The following LRRIQ3 variants were observed in gnomAD, a reference collection of about 807,000 sequenced individuals.
LRRIQ3 encodes leucine rich repeats and IQ motif containing 3.
Under a neutral mutation model 59.3 loss-of-function variants are expected in LRRIQ3, and 75 were observed. That is an observed-to-expected ratio of 1.26 (90% CI 1.05 to 1.53). The LOEUF (loss-of-function observed/expected upper bound fraction) is 1.53. Ranked by LOEUF, LRRIQ3 falls within the 40% of genes most tolerant of loss-of-function variation. LRRIQ3 has a pLI of 0.00. For missense variants in LRRIQ3, 831 were observed against 710.0 expected, an observed-to-expected ratio of 1.17 and a Z score of -1.94; for synonymous variants, 250 against 231.3, an observed-to-expected ratio of 1.08 and a Z score of -0.73.
At chr1:74,074,246 A>T (rs1197314655) in intron 6 of LRRIQ3, among the ~76,000 whole-genome samples, 2 of 152,146 alleles carry the variant, frequency 1.3e-5, no homozygotes, top group Non-Finnish European at 2.9e-5. Flanking sequence ...GTTGAATAAG[A>T]TATGATTTTT....
intron 4 of LRRIQ3, among the ~76,000 whole-genome samples, chr1:74,132,998 G>C (rs1180904788): frequency 2.6e-5 from 4 of 151,928 alleles, no homozygotes; most frequent in African/African-American, 9.7e-5. Flanking sequence ...AATCTACAAA[G>C]AACTTAAACA....
intron 3 of LRRIQ3, among the ~76,000 whole-genome samples, chr1:74,165,648 T>C (rs1353239417): frequency 1.3e-5 from 2 of 151,652 alleles, no homozygotes; most frequent in African/African-American, 4.8e-5. Context: ...TGGACATCCA[T>C]GCTTTATTCC....
chr1:74,131,030 TA>T (rs1362699624), intron 4 of LRRIQ3, among the ~76,000 whole-genome samples: 1 of 151,736 alleles, frequency 6.6e-6, no homozygotes, highest in Non-Finnish European at 1.5e-5. Flanking sequence ...ATAGACACAA[TA>T]AAATATGATA....
chr1:74,142,090 T>A (rs1241440306), intron 4 of LRRIQ3, among the ~76,000 whole-genome samples: 1 of 151,910 alleles, frequency 6.6e-6, no homozygotes, highest in Non-Finnish European at 1.5e-5. Context: ...CTATTGTGAA[T>A]AATGTTGCAA....
intron 1 of LRRIQ3, among the ~76,000 whole-genome samples, chr1:74,195,236 C>T (rs1469084644): frequency 4.6e-5 from 7 of 152,060 alleles, no homozygotes; most frequent in Admixed American, 6.5e-5. Context: ...GGAAGGGTAA[C>T]AGGAGGAAAC....
intron 5 of LRRIQ3, among the ~76,000 whole-genome samples, chr1:74,099,578 C>A (rs1164350242): frequency 6.6e-6 from 1 of 152,120 alleles, no homozygotes; most frequent in Non-Finnish European, 1.5e-5. Context: ...CATCCTGATA[C>A]CAAAGCCTAG....
rs139721001 is a variant in LRRIQ3, at chr1:74,198,117, T to C, written c.-122A>G. The C allele has an allele frequency of 6.0e-4, 845 of 1,398,134 alleles. 5 individuals are homozygous for C. In the African/African-American group the frequency reaches 0.011, roughly 18 times the overall value. 86.6% of individuals were successfully genotyped at this position (1,398,134 alleles called of 1,614,324 possible). ...CCGTTGCTAGAGAAACAAGACAACA[T>C]CCAAGTTCTCCACATCATGGTTTTC... On this transcript the variant is annotated 5_prime_UTR_variant, in exon 1 of 8. The change abolishes an upstream ATG in the 5' untranslated region. Coordinates refer to ENST00000354431, the MANE Select transcript of LRRIQ3 (RefSeq NM_001105659.2).
intron 6 of LRRIQ3, among the ~76,000 whole-genome samples, chr1:74,052,665 T>C (rs1027836533): frequency 3.9e-5 from 6 of 152,144 alleles, no homozygotes; most frequent in African/African-American, 1.4e-4. Flanking sequence ...TATAAGCCAA[T>C]ACAGATTTAC....
intron 1 of LRRIQ3, among the ~76,000 whole-genome samples, chr1:74,195,569 C>T (rs952200193): frequency 6.6e-6 from 1 of 152,164 alleles, no homozygotes; most frequent in African/African-American, 2.4e-5. Context: ...AAATCTATCT[C>T]ATTCTTCCTT....
intron 5 of LRRIQ3, among the ~76,000 whole-genome samples, chr1:74,090,498 G>C (rs967950826): frequency 2.0e-5 from 3 of 151,992 alleles, no homozygotes; most frequent in Non-Finnish European, 4.4e-5. Context: ...GAAATACTTA[G>C]TAATGAAAAT....
chr1:74,035,557 A>AT (rs1446900596), intron 7 of LRRIQ3, among the ~76,000 whole-genome samples: 1 of 152,058 alleles, frequency 6.6e-6, no homozygotes, highest in Non-Finnish European at 1.5e-5. Context: ...AACAATTTCT[A>AT]TTTTTGCAAT....
At chr1:74,088,068 C>T (rs893882991) in intron 5 of LRRIQ3, among the ~76,000 whole-genome samples, 4 of 151,858 alleles carry the variant, frequency 2.6e-5, no homozygotes, top group African/African-American at 7.2e-5. Context: ...ACTCCAGCCT[C>T]GGCAACAGAG....
At chr1:74,123,202 A>G (rs552682393) in intron 4 of LRRIQ3, among the ~76,000 whole-genome samples, 2 of 152,044 alleles carry the variant, frequency 1.3e-5, no homozygotes, top group Non-Finnish European at 2.9e-5. Context: ...GTTATGGGGT[A>G]CATGAGATAT....
chr1:74,038,430 C>T (rs561406555), intron 7 of LRRIQ3, among the ~76,000 whole-genome samples: 60 of 152,282 alleles, frequency 3.9e-4, no homozygotes, highest in African/African-American at 1.4e-3. Context: ...GGTTTCCCCC[C>T]CAGCAAAACA....
At chr1:74,098,440 G>A (rs1383693294) in intron 5 of LRRIQ3, among the ~76,000 whole-genome samples, 3 of 151,998 alleles carry the variant, frequency 2.0e-5, no homozygotes, top group Non-Finnish European at 2.9e-5. Flanking sequence ...CTTAGACTCC[G>A]ACACAAAAAT....
chr1:74,095,095 G>T (rs1397594491), intron 5 of LRRIQ3: 3 of 152,042 alleles, frequency 2.0e-5, no homozygotes, highest in Non-Finnish European at 2.9e-5. Context: ...CAATAGCTGT[G>T]ACCTCTTCTT....
intron 5 of LRRIQ3, among the ~76,000 whole-genome samples, chr1:74,096,931 G>A (rs1297218862): frequency 2.6e-5 from 4 of 152,092 alleles, no homozygotes; most frequent in South Asian, 2.1e-4. Context: ...AGGGGTACCC[G>A]GCTGTGTGGA....
At chr1:74,097,872 A>T (rs1281416866) in intron 5 of LRRIQ3, among the ~76,000 whole-genome samples, 1 of 152,194 alleles carries the variant, frequency 6.6e-6, no homozygotes, top group Non-Finnish European at 1.5e-5. Flanking sequence ...TTTTGTCACC[A>T]CCAGGCCTGC....
chr1:74,131,717 G>A (rs1417072246), intron 4 of LRRIQ3, among the ~76,000 whole-genome samples: 1 of 152,040 alleles, frequency 6.6e-6, no homozygotes, highest in Non-Finnish European at 1.5e-5. Context: ...GTATTGATGA[G>A]ATGTATCTCA....
Sources: gnomAD v4.1 joint callset for allele counts (sites outside exome capture counted in the v4.1 genomes callset) on GRCh38, gnomAD v4.1.1 for gene constraint, MANE v1.5 for transcripts, NCBI Gene and HGNC (gene_info 2026-07-23, HGNC 2026-07-21) for gene names.